Variants in LRRC49 observed in about 807,000 individuals in gnomAD.
LRRC49 encodes leucine-rich repeat-containing protein 49.
Under a neutral mutation model 83.3 loss-of-function variants are expected in LRRC49, and 50 were observed. The ratio of observed to expected loss-of-function variants is 0.60; its 90% CI spans 0.48 to 0.76. The LOEUF (loss-of-function observed/expected upper bound fraction) is 0.76. Among genes scored for constraint, LRRC49 ranks in the 30% least tolerant of loss-of-function variants. The pLI is 0.00. For synonymous variants in LRRC49, 286 were observed against 283.3 expected (o/e 1.01, Z -0.10); for missense variants, 704 against 809.1 (o/e 0.87, Z 1.58).
chr15:70,884,071 G>A (rs1395716566), intron 2 of LRRC49, among the ~76,000 whole-genome samples: 10 of 152,148 alleles, frequency 6.6e-5, no homozygotes, highest in Admixed American at 3.3e-4. Context: ...AAGACGGTAA[G>A]AAAAGATATC....
At chr15:70,980,238 C>A in intron 10 of LRRC49, 54 bp downstream of exon 10, 1 of 1,249,328 alleles carries the variant, frequency 8.0e-7, no homozygotes, top group Non-Finnish European at 1.1e-6. Context: ...CACACATACC[C>A]CAAAGCCAGC....
At chr15:70,941,362 G>C (rs1596045592) in intron 8 of LRRC49, among the ~76,000 whole-genome samples, 1 of 152,040 alleles carries the variant, frequency 6.6e-6, no homozygotes, top group African/African-American at 2.4e-5. Context: ...TTATTAAAGT[G>C]CTGTTTTTCC....
At chr15:70,993,873 C>T (rs967457541) in intron 11 of LRRC49, among the ~76,000 whole-genome samples, 1 of 152,130 alleles carries the variant, frequency 6.6e-6, no homozygotes, top group African/African-American at 2.4e-5. Context: ...GAGATGGAGT[C>T]TCGCTGTGTC....
chr15:70,866,855 T>C, intron 1 of LRRC49, among the ~76,000 whole-genome samples: 1 of 151,988 alleles, frequency 6.6e-6, no homozygotes, highest in East Asian at 1.9e-4. Flanking sequence ...CCCAGGGTCA[T>C]TAAATGATTG....
chr15:70,984,701 C>T (rs890624412), intron 11 of LRRC49: 4 of 152,550 alleles, frequency 2.6e-5, no homozygotes, highest in Non-Finnish European at 1.5e-5. Context: ...CATATGTATA[C>T]ATGTGCCATG....
At chr15:70,993,951 G>T (rs11072247) in intron 11 of LRRC49, among the ~76,000 whole-genome samples, 122,697 of 152,060 alleles carry the variant, frequency 0.81, 49,833 homozygotes, top group Admixed American at 0.86. Flanking sequence ...TTCAAGTGAT[G>T]CTCCTGCCTC....
intron 8 of LRRC49, among the ~76,000 whole-genome samples, chr15:70,944,029 C>G (rs928904585): frequency 6.6e-6 from 1 of 152,134 alleles, no homozygotes; most frequent in African/African-American, 2.4e-5. Context: ...CTGAGGCAGA[C>G]TGATTATTTA....
intron 2 of LRRC49, among the ~76,000 whole-genome samples, chr15:70,876,756 A>G (rs540415297): frequency 2.0e-5 from 3 of 152,166 alleles, no homozygotes; most frequent in East Asian, 1.9e-4. Context: ...CTAGGTCAAT[A>G]TTTTACCTTC....
chr15:70,883,275 T>A (rs2033314661), intron 2 of LRRC49, among the ~76,000 whole-genome samples: 1 of 152,052 alleles, frequency 6.6e-6, no homozygotes, highest in African/African-American at 2.4e-5. Context: ...CACTGCAATC[T>A]CCGCCTGCCG....
chr15:71,004,238 A>G (rs1223395307), intron 11 of LRRC49, among the ~76,000 whole-genome samples: 2 of 152,168 alleles, frequency 1.3e-5, no homozygotes, highest in African/African-American at 2.4e-5. Flanking sequence ...CAGCCATAGA[A>G]ATATTGTTCA....
chr15:70,919,235 T>C, intron 7 of LRRC49, 42 bp downstream of exon 7: 3 of 1,506,636 alleles, frequency 2.0e-6, no homozygotes, highest in Non-Finnish European at 2.7e-6. Flanking sequence ...TGTGGCTTTC[T>C]TTCAAGGAAT....
chr15:70,882,724 A>G (rs759128348), intron 2 of LRRC49: 14 of 1,612,662 alleles, frequency 8.7e-6, no homozygotes, highest in African/African-American at 2.7e-5. Flanking sequence ...CGAAAGATCA[A>G]TTCAATTGCT....
At chr15:70,974,267 C>T (rs1361904968) in intron 9 of LRRC49, among the ~76,000 whole-genome samples, 1 of 152,162 alleles carries the variant, frequency 6.6e-6, no homozygotes, top group Non-Finnish European at 1.5e-5. Flanking sequence ...TACAAATAGA[C>T]CTTGTTAGAG....
chr15:71,040,647 G>A (rs1567113444), intron 15 of LRRC49, among the ~76,000 whole-genome samples: 1 of 151,766 alleles, frequency 6.6e-6, no homozygotes. Context: ...GTGAAACCCC[G>A]TCTCTATTAA....
intron 11 of LRRC49, among the ~76,000 whole-genome samples, chr15:70,992,221 C>T (rs961337215): frequency 2.0e-5 from 3 of 152,188 alleles, no homozygotes; most frequent in Non-Finnish European, 2.9e-5. Context: ...CTAATCTTTT[C>T]TCAAGGTTTT....
rs35778571 is a variant in LRRC49, at chr15:71,012,498, GAA to G, written c.1594-296_1594-295del. On this transcript the variant is annotated intron_variant, in intron 13 of 15. Coordinates refer to ENST00000260382, the MANE Select transcript of LRRC49 (RefSeq NM_017691.5). ...TAATCCAAGAAGCTATAGGATTTCT[GAA>G]AAAAAAAAATACTAAAAATTGAAGG... 6.7e-4 allele frequency among the ~76,000 whole-genome samples: 97 copies of G among 144,638 alleles called. 1 individual carries two copies. Among genetic ancestry groups the G allele is most frequent in the African/African-American group, 2.4e-3 (96 of 39,858 alleles). The allele number at this position is 144,638 out of a possible 152,430, so 94.9% of individuals were successfully genotyped here.
At chr15:70,908,084 G>A in intron 5 of LRRC49, 1 of 447,670 alleles carries the variant, frequency 2.2e-6, no homozygotes, top group Non-Finnish European at 4.5e-6. Flanking sequence ...ATGTTTGGTT[G>A]GTCTTGGGTT....
intron 11 of LRRC49, among the ~76,000 whole-genome samples, chr15:70,987,673 A>G (rs1372260029): frequency 9.2e-5 from 14 of 151,968 alleles, no homozygotes; most frequent in Admixed American, 2.0e-4. Flanking sequence ...CTTGCCTTCT[A>G]CTAGCTTTTG....
At chr15:70,891,604 TGTGTGTGTGTGTGTGA>T (rs1164581411), upstream of LRRC49, among the ~76,000 whole-genome samples, 7 of 139,602 alleles carry the variant, frequency 5.0e-5, no homozygotes, top group Non-Finnish European at 7.9e-5. Flanking sequence ...TGTGTGTGTG[TGTGTGTGTGTGTGTGA>T]GTTTTGGGGG....
Sources: gnomAD v4.1 joint callset for allele counts (sites outside exome capture counted in the v4.1 genomes callset) on GRCh38, gnomAD v4.1.1 for gene constraint, MANE v1.5 for transcripts, NCBI Gene and HGNC (gene_info 2026-07-23, HGNC 2026-07-21) for gene names.